GLCE: variants seen among roughly 807,000 people sequenced by gnomAD.
The protein encoded by GLCE is glucuronic acid epimerase.
In GLCE, 19 loss-of-function variants were observed where a neutral mutation model predicts 47.9. The observed-to-expected ratio is 0.40, with a 90% CI of 0.28 to 0.58. GLCE has a LOEUF of 0.58. Among genes scored for constraint, GLCE ranks in the 20% least tolerant of loss-of-function variants. GLCE has a pLI of 0.48. For missense variants in GLCE, 556 were observed against 743.3 expected, an observed-to-expected ratio of 0.75 and a Z score of 2.93; for synonymous variants, 245 against 263.4, an observed-to-expected ratio of 0.93 and a Z score of 0.68.
At chr15:69,268,192 G>A (rs761359048) in intron 4 of GLCE, 28 bp from the exon 5 acceptor site, 6 of 1,453,792 alleles carry the variant, frequency 4.1e-6, no homozygotes, top group Non-Finnish European at 5.6e-6. Context: ...ATTCTAACCA[G>A]TCTTTGTTGG....
chr15:69,174,480 G>C (rs1373393037), intron 1 of GLCE, among the ~76,000 whole-genome samples: 7 of 151,956 alleles, frequency 4.6e-5, no homozygotes, highest in Non-Finnish European at 1.5e-5. Flanking sequence ...CATGGTGGTG[G>C]GCACCTGTAA....
intron 1 of GLCE, among the ~76,000 whole-genome samples, chr15:69,172,640 G>A (rs991194162): frequency 5.3e-5 from 8 of 152,084 alleles, no homozygotes; most frequent in Non-Finnish European, 8.8e-5. Flanking sequence ...AATGTGGTCC[G>A]AATAGTTACA....
chr15:69,174,857 T>A (rs189304852), intron 1 of GLCE, among the ~76,000 whole-genome samples: 28 of 152,342 alleles, frequency 1.8e-4, no homozygotes, highest in Admixed American at 1.8e-3. Context: ...TCCATTTTTT[T>A]AAAGTCATCT....
intron 2 of GLCE, among the ~76,000 whole-genome samples, chr15:69,211,522 G>A (rs1339494932): frequency 1.3e-5 from 2 of 151,792 alleles, no homozygotes; most frequent in African/African-American, 4.8e-5. Context: ...ACACTTGTTT[G>A]TGATTCCTAA....
chr15:69,164,507 G>A (rs942654087), intron 1 of GLCE, among the ~76,000 whole-genome samples: 1 of 149,620 alleles, frequency 6.7e-6, no homozygotes, highest in African/African-American at 2.4e-5. Flanking sequence ...TATGACATGT[G>A]TATGTTGTTA....
intron 1 of GLCE, among the ~76,000 whole-genome samples, chr15:69,182,149 G>C (rs755478891): frequency 1.9e-4 from 29 of 152,052 alleles, no homozygotes; most frequent in Non-Finnish European, 3.7e-4. Flanking sequence ...TTATGTAAGA[G>C]AGTGGCAGAA....
chr15:69,256,566 A>G (rs891162389), intron 3 of GLCE, among the ~76,000 whole-genome samples, 174 bp downstream of exon 3: 3 of 152,222 alleles, frequency 2.0e-5, no homozygotes, highest in Non-Finnish European at 4.4e-5. Context: ...TCTAGATGCT[A>G]TGACTTAAGG....
chr15:69,260,859 A>C, intron 3 of GLCE: 1 of 479,854 alleles, frequency 2.1e-6, no homozygotes, highest in East Asian at 3.2e-5. Flanking sequence ...GCGTTGCACT[A>C]TTTGTTAACA....
chr15:69,191,034 T>G (rs2051904209), intron 1 of GLCE, among the ~76,000 whole-genome samples: 1 of 152,214 alleles, frequency 6.6e-6, no homozygotes, highest in African/African-American at 2.4e-5. Context: ...ACTTCTGTAT[T>G]TGTTAAAAAC....
intron 1 of GLCE, among the ~76,000 whole-genome samples, chr15:69,186,662 C>T (rs539341568): frequency 6.6e-6 from 1 of 152,254 alleles, no homozygotes; most frequent in South Asian, 2.1e-4. Context: ...AAAGTAGATG[C>T]TTAATGAATA....
At chr15:69,214,884 A>G (rs1158763441) in intron 2 of GLCE, among the ~76,000 whole-genome samples, 5 of 152,200 alleles carry the variant, frequency 3.3e-5, no homozygotes, top group African/African-American at 1.2e-4. Context: ...CAAATAGAAT[A>G]CAGTGTTTGT....
intron 1 of GLCE, among the ~76,000 whole-genome samples, chr15:69,207,066 C>CCTTTCTAACAAA (rs1473730022): frequency 1.3e-5 from 2 of 152,046 alleles, no homozygotes; most frequent in African/African-American, 2.4e-5. Context: ...TAACAGAAAC[C>CCTTTCTAACAAA]TGGCCTTATC....
At chr15:69,191,134 A>C (rs1161435309) in intron 1 of GLCE, among the ~76,000 whole-genome samples, 1 of 152,012 alleles carries the variant, frequency 6.6e-6, no homozygotes, top group East Asian at 1.9e-4. Context: ...TTACCCACAT[A>C]TTTACTCCAC....
At chr15:69,264,792 T>C (rs996612395) in intron 4 of GLCE, among the ~76,000 whole-genome samples, 6 of 152,208 alleles carry the variant, frequency 3.9e-5, no homozygotes, top group African/African-American at 1.2e-4. Context: ...TCCCTCGTGA[T>C]TAATGATGTT....
chr15:69,270,279 A>G lies in GLCE; in HGVS notation c.*1035A>G, dbSNP rs900502415. 2 of 152,172 alleles carry G rather than the reference A, an allele frequency of 1.3e-5. No homozygotes were observed. Among genetic ancestry groups the G allele is most frequent in the African/African-American group, 4.8e-5 (2 of 41,448 alleles). The allele number at this position is 152,172 out of a possible 1,614,324, so 9.4% of individuals were successfully genotyped here. ...TTTCCTACCAAGATCATTCTTGATC[A>G]TCAGCTTCCCAAACTAGTAAGTCTG... On this transcript the variant is annotated 3_prime_UTR_variant, in exon 5 of 5. Transcript: ENST00000261858.
chr15:69,167,482 C>T (rs78042584), intron 1 of GLCE, among the ~76,000 whole-genome samples: 1,754 of 152,324 alleles, frequency 0.012, 27 homozygotes, highest in African/African-American at 0.038. Context: ...AATTTGTCCA[C>T]AGTTTACTGA....
At chr15:69,196,069 G>T (rs2051985313) in intron 1 of GLCE, among the ~76,000 whole-genome samples, 1 of 152,102 alleles carries the variant, frequency 6.6e-6, no homozygotes, top group African/African-American at 2.4e-5. Flanking sequence ...GGGCAGGCCT[G>T]GGAAGGATTG....
chr15:69,191,250 A>AT (rs2051909195), intron 1 of GLCE, among the ~76,000 whole-genome samples: 1 of 152,012 alleles, frequency 6.6e-6, no homozygotes, highest in Non-Finnish European at 1.5e-5. Context: ...CTGGTGACAG[A>AT]TTTTCTCGGC....
intron 1 of GLCE, among the ~76,000 whole-genome samples, chr15:69,168,586 TGCAATG>T (rs2051539793): frequency 6.6e-6 from 1 of 150,810 alleles, no homozygotes; most frequent in African/African-American, 2.4e-5. Context: ...TAGGCTGGAG[TGCAATG>T]GCCTGATCTG....
Sources: allele counts gnomAD v4.1 joint callset (sites outside exome capture counted in the v4.1 genomes callset), GRCh38; gene constraint gnomAD v4.1.1; transcripts MANE v1.5; gene names NCBI Gene and HGNC (gene_info 2026-07-23, HGNC 2026-07-21).